The following THRA variants were observed in gnomAD, a reference collection of about 807,000 sequenced individuals.
THRA encodes EAR-7.
Under a neutral mutation model 45.0 loss-of-function variants are expected in THRA, and 13 were observed. The ratio of observed to expected loss-of-function variants is 0.29; its 90% CI spans 0.19 to 0.46. The LOEUF is 0.46. Among genes scored for constraint, THRA ranks in the 20% least tolerant of loss-of-function variants. The pLI is 1.00. For synonymous variants in THRA, 195 were observed against 214.0 expected (o/e 0.91, Z 0.78); for missense variants, 278 against 556.1 (o/e 0.50, Z 5.03).
Position 40,091,493 on chromosome 17 carries a change from C to G in THRA, c.*2037C>G, listed in dbSNP as rs954263938. The G allele has an allele frequency of 1.3e-5, 2 of 152,330 alleles. No homozygotes were observed. Among genetic ancestry groups the G allele is most frequent in the African/African-American group, 4.8e-5 (2 of 41,390 alleles). The allele number at this position is 152,330 out of a possible 1,614,324, so 9.4% of individuals were successfully genotyped here. Reference sequence around the variant, plus strand: ...CTGGAGTACTGAATCCTGTATTACTCCAGTCCCATGGGTAGGCCCTCTTGT... The same window carrying G: ...CTGGAGTACTGAATCCTGTATTACTGCAGTCCCATGGGTAGGCCCTCTTGT... On this transcript the variant is annotated 3_prime_UTR_variant, in exon 9 of 9. Transcript: ENST00000450525.
chr17:40,089,738 G>A lies in THRA; in HGVS notation c.*282G>A. ...AGGACCCCATCCTCTCAGAAGGTAG[G>A]GGAAGGGCGGGAGGATTGAGAAGGG... On this transcript the variant is annotated 3_prime_UTR_variant, in exon 9 of 9. Coordinates refer to ENST00000450525, the MANE Select transcript of THRA (RefSeq NM_199334.5). This position sits in a 1 kb window ranked among gnomAD's most constrained non-coding sequence, Gnocchi z 6.1. 2 of 1,286,896 alleles carry A rather than the reference G, an allele frequency of 1.6e-6. No individual in the cohort carries two copies. The highest frequency in any genetic ancestry group is 2.0e-6 in the Non-Finnish European group (2 of 1,008,688). 79.7% of individuals were successfully genotyped at this position (1,286,896 alleles called of 1,614,324 possible).
chr17:40,086,603 C>G, intron 6 of THRA, 104 bp from the exon 7 acceptor site: 1 of 1,464,646 alleles, frequency 6.8e-7, no homozygotes, highest in Non-Finnish European at 9.1e-7. Flanking sequence ...ACGGGCGGCC[C>G]CTCTTCCCCA....
Position 40,089,254 on chromosome 17 carries a change from C to A in THRA, c.1031C>A (p.Ala344Glu), listed in dbSNP as rs748812749. 1 of 1,613,966 alleles carries A rather than the reference C, an allele frequency of 6.2e-7. No individual in the cohort carries two copies. Among genetic ancestry groups the A allele is most frequent in the African/African-American group, 1.3e-5 (1 of 74,868 alleles). The change falls in exon 9 of 9, where the codon GCG becomes GAG. Residue 344 changes from alanine (A) to glutamate (E), a missense_variant. Coordinates refer to ENST00000450525, the MANE Select transcript of THRA (RefSeq NM_199334.5). This position sits in a 1 kb window ranked among gnomAD's most constrained non-coding sequence, Gnocchi z 6.1. ...CVDKIEKSQE[A>E]YLLAFEHYVN... ...GACAAGATCGAGAAGAGTCAGGAGGCGTACCTGCTGGCGTTCGAGCACTAC... is the reference window on the plus strand; with the variant it reads ...GACAAGATCGAGAAGAGTCAGGAGGAGTACCTGCTGGCGTTCGAGCACTAC...
rs539779339 is a variant in THRA, at chr17:40,084,749, T to C, written c.510T>C (p.Ile170=). ...PTPEEWDLIH[I]ATEAHRSTNA... is the part of the protein sequence containing the mutation. ...CTGAAGAGTGGGATCTGATCCACAT[T>C]GCCACAGAGGCCCATCGCAGCACCA... is the stretch of plus-strand genomic sequence containing the variant. Residue 170 remains isoleucine (I), a synonymous_variant, in exon 6 of 9, where the codon ATT becomes ATC. Coordinates refer to ENST00000450525, the MANE Select transcript of THRA (RefSeq NM_199334.5). 6.2e-6 allele frequency: 10 copies of C among 1,614,004 alleles called. No homozygotes were observed. In the South Asian group the frequency reaches 8.8e-5, roughly 14 times the overall value.
At position 40,089,111 on chromosome 17, in the gene THRA, C is replaced by T; in HGVS notation, c.983-95C>T. 1.6e-6 allele frequency: 2 copies of T among 1,257,850 alleles called. No homozygotes were observed. Among genetic ancestry groups the T allele is most frequent in the East Asian group, 2.4e-5 (1 of 41,694 alleles). The allele number at this position is 1,257,850 out of a possible 1,614,324, so 77.9% of individuals were successfully genotyped here. A position where few individuals can be genotyped will look rare whatever the true frequency, so the allele number is the denominator to read the frequency against. ...CCCAGCCTCTCTGCCTCTATCTCCCCTCTAGTCCTTTCTTCCCACGTCCCC... is the reference window on the plus strand; with the variant it reads ...CCCAGCCTCTCTGCCTCTATCTCCCTTCTAGTCCTTTCTTCCCACGTCCCC... On this transcript the variant is annotated intron_variant, in intron 8 of 8. Coordinates refer to ENST00000450525, the MANE Select transcript of THRA (RefSeq NM_199334.5). This position sits in a 1 kb window ranked among gnomAD's most constrained non-coding sequence, Gnocchi z 6.1.
intron 1 of THRA, among the ~76,000 whole-genome samples, chr17:40,071,140 G>A (rs1471491913): frequency 1.3e-5 from 2 of 151,106 alleles, no homozygotes; most frequent in African/African-American, 4.9e-5. Flanking sequence ...CAGCCGCCCC[G>A]CATGTACGTG....
At position 40,063,960 on chromosome 17, in the gene THRA, G is replaced by A. The variant is rs534717161; in HGVS notation, c.-298+868G>A. ...AGGAAAGCCAGTGAGGTGGGAGCCT[G>A]CCCCTCAGTGCTGGCTTTGGCTCCA... On this transcript the variant is annotated intron_variant, in intron 1 of 8. Transcript: ENST00000450525. 2.0e-5 allele frequency among the ~76,000 whole-genome samples: 3 copies of A among 151,022 alleles called. No individual in the cohort carries two copies. In the East Asian group the frequency reaches 5.9e-4, roughly 30 times the overall value.
chr17:40,084,571 G>A lies in THRA; in HGVS notation c.371-39G>A, dbSNP rs1434901549. The A allele has an allele frequency of 1.9e-6, 3 of 1,602,568 alleles. No individual in the cohort carries two copies. In the African/African-American group the frequency reaches 4.0e-5, roughly 21 times the overall value. On this transcript the variant is annotated intron_variant, in intron 5 of 8. Transcript: ENST00000450525. ...GGGAGCATTATGGAAAGGGGATGGA[G>A]GGTGCCATGCGTTAGACCTTGTGCC...
Position 40,089,376 on chromosome 17 carries a change from T to G in THRA, c.1153T>G (p.Phe385Val). ...RMIGACHASR[F>V]LHMKVECPTE... ...GATCGGGGCCTGCCACGCCAGCCGC[T>G]TCCTCCACATGAAAGTCGAGTGCCC... The change falls in exon 9 of 9, where the codon TTC (phenylalanine) becomes GTC (valine). Residue 385 changes from phenylalanine to valine, a missense_variant. Physicochemically the swap from Phe to Val is conservative, Grantham distance 50. Around this residue, in one of 6 missense-constraint regions of THRA, gnomAD observed 14 missense variants for 56.3 expected, o/e 0.25. Transcript: ENST00000450525. This position sits in a 1 kb window ranked among gnomAD's most constrained non-coding sequence, Gnocchi z 6.1. 6.2e-7 allele frequency: 1 copy of G among 1,614,094 alleles called. No individual in the cohort carries two copies. The highest frequency in any genetic ancestry group is 8.5e-7 in the Non-Finnish European group (1 of 1,180,006).
chr17:40,093,023 A>G, downstream of THRA: 1 of 1,610,232 alleles, frequency 6.2e-7, no homozygotes, highest in Non-Finnish European at 8.5e-7. This position sits in a 1 kb window ranked among gnomAD's most constrained non-coding sequence, Gnocchi z 5.9. Context: ...CGTAAAGGAG[A>G]GAGAAGTGCA....
chr17:40,086,053 A>C (rs1223292197), intron 6 of THRA, among the ~76,000 whole-genome samples: 2 of 152,228 alleles, frequency 1.3e-5, no homozygotes, highest in East Asian at 1.9e-4. Context: ...TCGAGGCTGC[A>C]GTAAGCCATG....
At chr17:40,073,093 T>C (rs750773505) in intron 1 of THRA, among the ~76,000 whole-genome samples, 1 of 152,178 alleles carries the variant, frequency 6.6e-6, no homozygotes, top group Non-Finnish European at 1.5e-5. Flanking sequence ...CCTGGCTGCT[T>C]ATCAGCTCCT....
chr17:40,077,565 C>T lies in THRA; in HGVS notation c.179C>T (p.Ala60Val). The T allele has an allele frequency of 6.2e-7, 1 of 1,614,072 alleles. No individual in the cohort carries two copies. The highest frequency in any genetic ancestry group is 8.5e-7 in the Non-Finnish European group (1 of 1,179,986). ...DEQCVVCGDK[A>V]TGYHYRCITC... ...CAGTGTGTCGTGTGTGGGGACAAGGCAACTGGTTATCACTACCGCTGTATC... is the reference window on the plus strand; with the variant it reads ...CAGTGTGTCGTGTGTGGGGACAAGGTAACTGGTTATCACTACCGCTGTATC... The change falls in exon 4 of 9, where the codon GCA becomes GTA. Residue 60 changes from alanine (A) to valine (V), a missense_variant. Transcript: ENST00000450525.
Position 40,089,091 on chromosome 17 carries a change from C to T in THRA, c.983-115C>T. 1 of 999,304 alleles carries T rather than the reference C, an allele frequency of 1.0e-6. No individual in the cohort carries two copies. Among genetic ancestry groups the T allele is most frequent in the Non-Finnish European group, 1.5e-6 (1 of 676,498 alleles). The allele number at this position is 999,304 out of a possible 1,614,324, so 61.9% of individuals were successfully genotyped here. A position where few individuals can be genotyped will look rare whatever the true frequency, so the allele number is the denominator to read the frequency against. On this transcript the variant is annotated intron_variant, in intron 8 of 8. Coordinates refer to ENST00000450525, the MANE Select transcript of THRA (RefSeq NM_199334.5). This position sits in a 1 kb window ranked among gnomAD's most constrained non-coding sequence, Gnocchi z 6.1. ...GAGCTTCTCCCCTCCCCTCCCCCAG[C>T]CTCTCTGCCTCTATCTCCCCTCTAG...
chr17:40,073,285 G>A (rs895112700), intron 1 of THRA, among the ~76,000 whole-genome samples: 7 of 152,184 alleles, frequency 4.6e-5, no homozygotes, highest in African/African-American at 1.4e-4. Context: ...AATGCCGTAG[G>A]AATGGTGGGC....
At chr17:40,093,019 G>C, downstream of THRA, 1 of 1,609,932 alleles carries the variant, frequency 6.2e-7, no homozygotes, top group Non-Finnish European at 8.5e-7. The surrounding 1 kb of genome is among the most constrained non-coding windows in gnomAD (Gnocchi z 5.9). Context: ...GTCTCGTAAA[G>C]GAGAGAGAAG....
chr17:40,075,757 G>C (rs879091), intron 2 of THRA, among the ~76,000 whole-genome samples: 1 of 152,142 alleles, frequency 6.6e-6, no homozygotes, highest in South Asian at 2.1e-4. Context: ...TGCTGAAGCC[G>C]CTAGCTCAAC....
At chr17:40,085,712 T>G (rs1314301952) in intron 6 of THRA, among the ~76,000 whole-genome samples, 1 of 147,452 alleles carries the variant, frequency 6.8e-6, no homozygotes, top group Non-Finnish European at 1.5e-5. Context: ...GGCACAGTCT[T>G]GGCTCACCGC....
chr17:40,084,952 C>T, intron 6 of THRA, 137 bp downstream of exon 6: 1 of 957,928 alleles, frequency 1.0e-6, no homozygotes. Flanking sequence ...CTTTTGCTGT[C>T]CAGATTTTAT....
Sources: gnomAD v4.1 joint callset for allele counts (sites outside exome capture counted in the v4.1 genomes callset) on GRCh38, gnomAD v4.1.1 for gene constraint, gnomAD v4.1.1 regional missense constraint, Gnocchi (gnomAD v3.1) non-coding constraint, MANE v1.5 for transcripts, NCBI Gene and HGNC (gene_info 2026-07-23, HGNC 2026-07-21) for gene names.